Variants in ZBTB20 observed in about 807,000 individuals in gnomAD.
ZBTB20 encodes zinc finger and BTB domain containing 20, also known as zinc finger and BTB domain-containing protein 20.
ZBTB20 carries 9 observed loss-of-function variants against 56.9 expected under a neutral mutation model. The observed-to-expected ratio is 0.16, with a 90% confidence interval of 0.10 to 0.28. The LOEUF is 0.28. Ranked by LOEUF, ZBTB20 falls within the 10% of genes least tolerant of loss-of-function variation. ZBTB20 has a pLI of 1.00. For missense variants in ZBTB20, 655 were observed against 1,003.0 expected (o/e 0.65, Z 4.69); for synonymous variants, 417 against 420.7 (o/e 0.99, Z 0.11).
chr3:114,999,646 C>G (rs2079167923), intron 2 of ZBTB20, among the ~76,000 whole-genome samples: 1 of 151,520 alleles, frequency 6.6e-6, no homozygotes, highest in Non-Finnish European at 1.5e-5. Context: ...GAAAACAGTG[C>G]TATATATTTG....
chr3:114,795,260 T>C (rs1396734388), intron 5 of ZBTB20, among the ~76,000 whole-genome samples: 2 of 152,094 alleles, frequency 1.3e-5, no homozygotes, highest in African/African-American at 4.8e-5. Flanking sequence ...TGTATATTAT[T>C]TACCTTTGAA....
chr3:114,978,652 G>T (rs2108074240), intron 2 of ZBTB20, among the ~76,000 whole-genome samples: 2 of 146,878 alleles, frequency 1.4e-5, no homozygotes. Context: ...TGTAAGTATA[G>T]ATCTGTATGT....
At chr3:115,079,742 C>T (rs1158804848) in intron 1 of ZBTB20, among the ~76,000 whole-genome samples, 1 of 152,150 alleles carries the variant, frequency 6.6e-6, no homozygotes, top group Non-Finnish European at 1.5e-5. Context: ...AAGTTCTGTT[C>T]ATTAATTTAA....
chr3:114,902,512 C>T (rs1456119121), intron 3 of ZBTB20, among the ~76,000 whole-genome samples: 1 of 152,152 alleles, frequency 6.6e-6, no homozygotes, highest in African/African-American at 2.4e-5. Flanking sequence ...AAAACATACA[C>T]TAGGTTTATT....
At chr3:114,916,506 G>A (rs1198159414) in intron 3 of ZBTB20, among the ~76,000 whole-genome samples, 1 of 152,040 alleles carries the variant, frequency 6.6e-6, no homozygotes, top group African/African-American at 2.4e-5. Context: ...ACCTTCAGAT[G>A]ATTTCTTATT....
intron 4 of ZBTB20, among the ~76,000 whole-genome samples, chr3:114,850,083 A>G (rs2074924581): frequency 6.6e-6 from 1 of 151,880 alleles, no homozygotes; most frequent in African/African-American, 2.4e-5. Context: ...TATTTTTAGT[A>G]GAGACGAGGT....
intron 5 of ZBTB20, among the ~76,000 whole-genome samples, chr3:114,754,242 G>C (rs1578716358): frequency 6.6e-6 from 1 of 152,290 alleles, no homozygotes; most frequent in African/African-American, 2.4e-5. Flanking sequence ...GGGAGAAAGA[G>C]ACATGCAAGT....
At chr3:114,618,024 T>A (rs1417521891) in intron 6 of ZBTB20, among the ~76,000 whole-genome samples, 5 of 151,484 alleles carry the variant, frequency 3.3e-5, no homozygotes, top group Admixed American at 2.0e-4. Context: ...ATATATATAT[T>A]TTATCTTCTG....
chr3:114,761,572 A>G (rs986758395), intron 5 of ZBTB20, among the ~76,000 whole-genome samples: 1 of 152,108 alleles, frequency 6.6e-6, no homozygotes, highest in African/African-American at 2.4e-5. Context: ...CGGTGGCTCA[A>G]GACTGTATTC....
Position 114,694,450 on chromosome 3 carries a change from GA to G in ZBTB20, c.-342-876del, listed in dbSNP as rs574410519. 5.3e-5 allele frequency among the ~76,000 whole-genome samples: 8 copies of G among 152,098 alleles called. No individual in the cohort carries two copies. In the South Asian group the frequency reaches 1.7e-3, roughly 32 times the overall value. ...ATATCACTACCACAATGAAAGCCTT[GA>G]AAATGGCCAGCATGATTACTTTAAG... On this transcript the variant is annotated intron_variant, in intron 5 of 11. Coordinates refer to ENST00000675478, the MANE Select transcript of ZBTB20 (RefSeq NM_001348800.3).
At chr3:114,909,026 A>C (rs2075424539) in intron 3 of ZBTB20, among the ~76,000 whole-genome samples, 1 of 152,022 alleles carries the variant, frequency 6.6e-6, no homozygotes, top group Non-Finnish European at 1.5e-5. Flanking sequence ...AATGATGATG[A>C]ATCTTTTCCA....
At chr3:114,479,658 T>C (rs1576996458) in intron 7 of ZBTB20, among the ~76,000 whole-genome samples, 1 of 152,256 alleles carries the variant, frequency 6.6e-6, no homozygotes, top group East Asian at 1.9e-4. Flanking sequence ...TGGACGTGTC[T>C]ATGTGTGTTT....
intron 6 of ZBTB20, among the ~76,000 whole-genome samples, chr3:114,541,630 C>G (rs2049124466): frequency 6.6e-6 from 1 of 152,104 alleles, no homozygotes; most frequent in Non-Finnish European, 1.5e-5. Flanking sequence ...ATGTAATAAA[C>G]AAACCAAACA....
Position 114,413,183 on chromosome 3 carries a change from T to A in ZBTB20, c.-254-24078A>T, listed in dbSNP as rs549954478. Among the ~76,000 whole-genome samples, 48 of 152,262 alleles carry A rather than the reference T, an allele frequency of 3.2e-4. No individual in the cohort carries two copies. The South Asian group carries it at 7.7e-3, about 24-fold the overall frequency. On this transcript the variant is annotated intron_variant, in intron 7 of 11. Transcript: ENST00000675478. ...CATGACATAAGATGAAGATTTCTAT[T>A]TATAATGATAAAATCCAGGCAAGGA...
At chr3:114,365,808 A>C (rs1300803536) in intron 10 of ZBTB20, among the ~76,000 whole-genome samples, 37 of 152,208 alleles carry the variant, frequency 2.4e-4, no homozygotes, top group Admixed American at 2.3e-3. Context: ...TTGACCTGCC[A>C]TATTGCTATT....
At chr3:114,699,271 C>A (rs150030637) in intron 5 of ZBTB20, among the ~76,000 whole-genome samples, 1 of 151,964 alleles carries the variant, frequency 6.6e-6, no homozygotes. Context: ...GGGATATCAA[C>A]GTAATTCATC....
At chr3:115,103,806 C>A (rs140427847) in intron 1 of ZBTB20, among the ~76,000 whole-genome samples, 2 of 152,154 alleles carry the variant, frequency 1.3e-5, no homozygotes, top group African/African-American at 2.4e-5. Flanking sequence ...ATTTTAGATA[C>A]AACACCAAAG....
At chr3:114,512,869 A>C (rs553250808) in intron 6 of ZBTB20, among the ~76,000 whole-genome samples, 3 of 152,272 alleles carry the variant, frequency 2.0e-5, no homozygotes, top group Admixed American at 1.3e-4. Flanking sequence ...CAGACGTAGT[A>C]CTCACTACTC....
At chr3:114,707,675 T>C (rs977523212) in intron 5 of ZBTB20, among the ~76,000 whole-genome samples, 1 of 152,132 alleles carries the variant, frequency 6.6e-6, no homozygotes, top group African/African-American at 2.4e-5. Context: ...GATTTTTTTT[T>C]CCTCCCCACA....
Sources: allele counts gnomAD v4.1 joint callset (sites outside exome capture counted in the v4.1 genomes callset), GRCh38; gene constraint gnomAD v4.1.1; transcripts MANE v1.5; gene names NCBI Gene and HGNC (gene_info 2026-07-23, HGNC 2026-07-21).